Variants in RGL1 observed in about 807,000 individuals in gnomAD.
The protein encoded by RGL1 is ral guanine nucleotide dissociation stimulator like 1, also known as ral guanine nucleotide dissociation stimulator-like 1.
Under a neutral mutation model 95.2 loss-of-function variants are expected in RGL1, and 24 were observed. That is an observed-to-expected ratio of 0.25 (90% CI 0.18 to 0.35). The LOEUF (loss-of-function observed/expected upper bound fraction) is 0.35. Among genes scored for constraint, RGL1 ranks in the 10% least tolerant of loss-of-function variants. The pLI is 1.00. For synonymous variants in RGL1, 329 were observed against 344.9 expected (o/e 0.95, Z 0.51); for missense variants, 715 against 936.3 (o/e 0.76, Z 3.08).
intron 12 of RGL1, among the ~76,000 whole-genome samples, 180 bp downstream of exon 12, chr1:183,902,780 G>A (rs1015460715): frequency 3.3e-5 from 5 of 152,034 alleles, no homozygotes; most frequent in African/African-American, 1.2e-4. Context: ...TATGAGGTAG[G>A]TTTTATCATC....
At chr1:183,682,760 G>A (rs1483893764) in intron 1 of RGL1, among the ~76,000 whole-genome samples, 5 of 152,096 alleles carry the variant, frequency 3.3e-5, no homozygotes, top group South Asian at 2.1e-4. Context: ...TAAGATTGAC[G>A]GTGGGGTGTT....
At chr1:183,678,025 T>C (rs567872837) in intron 1 of RGL1, among the ~76,000 whole-genome samples, 27 of 152,370 alleles carry the variant, frequency 1.8e-4, no homozygotes, top group African/African-American at 6.3e-4. Context: ...TCATAGTCCT[T>C]ATTTAAAATA....
Position 183,883,800 on chromosome 1 carries a change from A to T in RGL1, c.625A>T (p.Thr209Ser), listed in dbSNP as rs775475058. Residue 209 changes from threonine to serine, a missense_variant, in exon 6 of 18, where the codon ACG (threonine) becomes TCG (serine). Physicochemically the swap from Thr to Ser is moderately conservative, Grantham distance 58 (BLOSUM62 1). Coordinates refer to ENST00000360851, the MANE Select transcript of RGL1 (RefSeq NM_001297671.3). ...TATGTGAACAGATGGGCTTCCCAAC[A>T]CGATCTCCTTCAGCCTGGAAGAGGA... ...EVETDNGLPN[T>S]ISFSLEEEEE... 6.2e-7 allele frequency: 1 copy of T among 1,614,088 alleles called. No homozygotes were observed. The highest frequency in any genetic ancestry group is 1.7e-5 in the Admixed American group (1 of 60,030).
intron 1 of RGL1, among the ~76,000 whole-genome samples, chr1:183,727,197 C>T (rs1412384800): frequency 6.6e-6 from 1 of 152,068 alleles, no homozygotes; most frequent in African/African-American, 2.4e-5. Flanking sequence ...TACAAGGTTG[C>T]TTAACATTAC....
rs184566091 is a variant in RGL1, at chr1:183,736,380, T to G, written c.-32-5746T>G. 8.1e-4 allele frequency among the ~76,000 whole-genome samples: 124 copies of G among 152,342 alleles called. 1 individual carries two copies. Among genetic ancestry groups the G allele is most frequent in the Admixed American group, 3.3e-3 (50 of 15,290 alleles). ...GAGGTCTCAGCAGTCTTGTAGCCTA[T>G]TCATATTAAAGATAAGGACACTGAG... On this transcript the variant is annotated intron_variant, in intron 1 of 18. Transcript: ENST00000304685.
intron 5 of RGL1, among the ~76,000 whole-genome samples, chr1:183,881,821 T>C (rs1666841103): frequency 6.6e-6 from 1 of 152,256 alleles, no homozygotes; most frequent in African/African-American, 2.4e-5. Flanking sequence ...TGACTTCATC[T>C]GCCAGGAATG....
chr1:183,823,691 T>C (rs894050578), intron 2 of RGL1, among the ~76,000 whole-genome samples: 2 of 152,172 alleles, frequency 1.3e-5, no homozygotes, highest in Admixed American at 6.5e-5. Context: ...AGGAGAGAGT[T>C]GGTGGGATAG....
At chr1:183,863,127 G>A (rs1665612827) in intron 3 of RGL1, among the ~76,000 whole-genome samples, 3 of 152,062 alleles carry the variant, frequency 2.0e-5, no homozygotes, top group African/African-American at 2.4e-5. Context: ...TGCCCAGTGT[G>A]TGGGTGGAGC....
chr1:183,720,532 T>C (rs1370756537), intron 1 of RGL1, among the ~76,000 whole-genome samples: 1 of 152,274 alleles, frequency 6.6e-6, no homozygotes, highest in Non-Finnish European at 1.5e-5. Flanking sequence ...TGCCTACTTC[T>C]GGCAAAGGAT....
intron 1 of RGL1, among the ~76,000 whole-genome samples, chr1:183,708,727 T>A (rs564483108): frequency 6.6e-6 from 1 of 152,216 alleles, no homozygotes; most frequent in Admixed American, 6.5e-5. Flanking sequence ...CGTGGATTTT[T>A]CTCTGTTAAC....
intron 15 of RGL1, among the ~76,000 whole-genome samples, chr1:183,913,322 AG>A (rs1352528531): frequency 6.6e-6 from 1 of 150,406 alleles, no homozygotes; most frequent in Admixed American, 6.7e-5. Flanking sequence ...CAGCCTCCCG[AG>A]TAGCTGGGAT....
intron 4 of RGL1, among the ~76,000 whole-genome samples, chr1:183,868,614 A>G (rs891213657): frequency 2.0e-5 from 3 of 152,304 alleles, no homozygotes; most frequent in Admixed American, 2.0e-4. Context: ...ACTCACTAAG[A>G]TAATGATTTT....
chr1:183,816,175 T>G (rs2102442295), intron 2 of RGL1, among the ~76,000 whole-genome samples: 1 of 152,336 alleles, frequency 6.6e-6, no homozygotes, highest in East Asian at 1.9e-4. Flanking sequence ...TCCTTCAGTT[T>G]TCTAAAGTAA....
chr1:183,736,160 C>A (rs192785909), intron 1 of RGL1, among the ~76,000 whole-genome samples: 1 of 152,160 alleles, frequency 6.6e-6, no homozygotes, highest in Non-Finnish European at 1.5e-5. Context: ...TAATATCATA[C>A]TGTTTGTTTG....
At chr1:183,650,746 AGTATTAG>A (rs2101998247) in intron 1 of RGL1, among the ~76,000 whole-genome samples, 1 of 148,918 alleles carries the variant, frequency 6.7e-6, no homozygotes, top group East Asian at 1.9e-4. Context: ...TAGAAATCAT[AGTATTAG>A]GTCAAACATT....
chr1:183,709,712 C>A, intron 1 of RGL1: 1 of 215,520 alleles, frequency 4.6e-6, no homozygotes, highest in Non-Finnish European at 9.9e-6. Context: ...ACACCCCACT[C>A]TCACTATGTG....
chr1:183,819,733 C>CT (rs1013934465), intron 2 of RGL1, among the ~76,000 whole-genome samples: 4 of 149,950 alleles, frequency 2.7e-5, no homozygotes, highest in Middle Eastern at 3.2e-3. Context: ...GAAGGATGGA[C>CT]TTTTTTTTAA....
intron 14 of RGL1, among the ~76,000 whole-genome samples, chr1:183,910,899 T>C (rs765862482): frequency 2.6e-5 from 4 of 152,256 alleles, no homozygotes; most frequent in Non-Finnish European, 5.9e-5. Context: ...GCTTGGCTTA[T>C]AGTAGACATG....
At chr1:183,779,888 G>C (rs942184523) in intron 2 of RGL1, among the ~76,000 whole-genome samples, 1 of 152,122 alleles carries the variant, frequency 6.6e-6, no homozygotes, top group Non-Finnish European at 1.5e-5. Context: ...TGTGGGTGAA[G>C]AATGTATTTG....
Sources: gnomAD v4.1 joint callset for allele counts (sites outside exome capture counted in the v4.1 genomes callset) on GRCh38, gnomAD v4.1.1 for gene constraint, MANE v1.5 for transcripts, NCBI Gene and HGNC (gene_info 2026-07-23, HGNC 2026-07-21) for gene names.